The following DPY19L2 variants were observed in gnomAD, a reference collection of about 807,000 sequenced individuals.
DPY19L2 encodes the protein dpy-19 like 2.
A neutral mutation model predicts 97.9 loss-of-function variants in DPY19L2; 34 were observed. That is an observed-to-expected ratio of 0.35 (90% CI 0.26 to 0.46). The LOEUF (loss-of-function observed/expected upper bound fraction) is 0.46. DPY19L2 is among the 20% of genes least tolerant of loss of function. The pLI, the probability that DPY19L2 is intolerant of heterozygous loss-of-function variation, is 1.00. For synonymous variants in DPY19L2, 230 were observed against 307.9 expected (o/e 0.75, Z 2.65); for missense variants, 623 against 911.4 (o/e 0.68, Z 4.07).
At chr12:63,574,727 A>G (rs1879500174) in intron 19 of DPY19L2, among the ~76,000 whole-genome samples, 1 of 152,060 alleles carries the variant, frequency 6.6e-6, no homozygotes, top group African/African-American at 2.4e-5. Flanking sequence ...TCATTATATA[A>G]TGATAAAGGG....
chr12:63,606,059 A>G (rs1403070499), intron 12 of DPY19L2, among the ~76,000 whole-genome samples: 1 of 152,166 alleles, frequency 6.6e-6, no homozygotes, highest in African/African-American at 2.4e-5. Flanking sequence ...TACATAAGGC[A>G]TATTTTAAAA....
chr12:63,659,870 C>CA (rs1227994777), intron 4 of DPY19L2, among the ~76,000 whole-genome samples: 1 of 152,006 alleles, frequency 6.6e-6, no homozygotes, highest in Non-Finnish European at 1.5e-5. Context: ...AGTCATACCT[C>CA]AAAAAAGCTG....
intron 21 of DPY19L2, among the ~76,000 whole-genome samples, chr12:63,568,147 T>A (rs1156357754): frequency 1.3e-5 from 2 of 152,128 alleles, no homozygotes; most frequent in South Asian, 4.1e-4. Flanking sequence ...TACATAGGTC[T>A]GTGACTTTGG....
intron 18 of DPY19L2, among the ~76,000 whole-genome samples, chr12:63,581,954 C>T (rs1260167440): frequency 1.3e-5 from 2 of 150,918 alleles, no homozygotes; most frequent in African/African-American, 2.4e-5. Flanking sequence ...GCACTCGCCA[C>T]CATACCCGGC....
At chr12:63,614,051 G>T (rs576889746) in intron 11 of DPY19L2, among the ~76,000 whole-genome samples, 1 of 151,864 alleles carries the variant, frequency 6.6e-6, no homozygotes, top group East Asian at 1.9e-4. Flanking sequence ...TTAGCTGGAC[G>T]TGGTGGCAGG....
At chr12:63,567,325 G>A (rs61935044) in intron 21 of DPY19L2, among the ~76,000 whole-genome samples, 11,261 of 151,832 alleles carry the variant, frequency 0.074, 523 homozygotes, top group Middle Eastern at 0.15. Flanking sequence ...TTGCCATTAT[G>A]CTCTTTTTTT....
At chr12:63,591,361 C>T (rs1372250624) in intron 16 of DPY19L2, among the ~76,000 whole-genome samples, 1 of 152,048 alleles carries the variant, frequency 6.6e-6, no homozygotes, top group Non-Finnish European at 1.5e-5. Context: ...ATTCTATTTA[C>T]AAATATAAAA....
intron 19 of DPY19L2, among the ~76,000 whole-genome samples, chr12:63,571,835 T>C (rs147286238): frequency 1.4e-3 from 217 of 152,300 alleles, no homozygotes; most frequent in African/African-American, 5.0e-3. Context: ...TACTTCCTGG[T>C]ACTTTTGTAT....
chr12:63,630,892 T>C (rs1401032843), intron 6 of DPY19L2, among the ~76,000 whole-genome samples: 1 of 152,058 alleles, frequency 6.6e-6, no homozygotes, highest in East Asian at 1.9e-4. Flanking sequence ...GCAATCAAAC[T>C]AGAACTCAGG....
chr12:63,612,093 GA>G (rs1184549560), intron 11 of DPY19L2, among the ~76,000 whole-genome samples: 1 of 151,792 alleles, frequency 6.6e-6, no homozygotes, highest in Non-Finnish European at 1.5e-5. Context: ...GATTTCATAA[GA>G]AAAAAATGCA....
chr12:63,590,735 G>C (rs753432122), intron 16 of DPY19L2, among the ~76,000 whole-genome samples: 4 of 151,988 alleles, frequency 2.6e-5, no homozygotes, highest in African/African-American at 9.7e-5. Context: ...GCACCCAGGG[G>C]AGCAGATCTA....
chr12:63,595,982 C>T lies in DPY19L2; in HGVS notation c.1517G>A (p.Cys506Tyr). ...TAAAAATACCTTTTTAAAGATAAAA[C>T]ATGTAATCACCATAACAACTGGAAG... ...LLLPVVMVIT[C>Y]FIFKKTVRDI... Residue 506 changes from cysteine (C) to tyrosine (Y), a missense_variant, in exon 15 of 22, where the codon TGT becomes TAT. By Grantham distance (194) the Cys-to-Tyr change is radical. This residue lies in a region of DPY19L2 where 294 missense variants were observed against 446.2 expected (regional missense o/e 0.66). Transcript: ENST00000324472. 7 of 1,593,594 alleles carry T rather than the reference C, an allele frequency of 4.4e-6. No homozygotes were observed. Among genetic ancestry groups the T allele is most frequent in the Non-Finnish European group, 6.0e-6 (7 of 1,169,442 alleles).
rs1213715916 is a variant in DPY19L2, at chr12:63,559,037, G to C, written c.*1475C>G. The C allele has an allele frequency of 6.6e-6, 1 of 151,888 alleles. No individual in the cohort carries two copies. The highest frequency in any genetic ancestry group is 1.5e-5 in the Non-Finnish European group (1 of 67,954). The allele number at this position is 151,888 out of a possible 1,614,324, so 9.4% of individuals were successfully genotyped here. ...TACCAACTTATTTAAAATATTTCCT[G>C]TAAAAACATCATCCAAAATATACTT... is the stretch of plus-strand genomic sequence containing the variant. On this transcript the variant is annotated 3_prime_UTR_variant, in exon 22 of 22. Coordinates refer to ENST00000324472, the MANE Select transcript of DPY19L2 (RefSeq NM_173812.5).
At chr12:63,668,671 C>G, upstream of DPY19L2, 1 of 454,980 alleles carries the variant, frequency 2.2e-6, no homozygotes, top group Non-Finnish European at 4.0e-6. Context: ...CCGGTGAGGG[C>G]AGCCCCACGC....
chr12:63,611,882 A>G (rs1276313971), intron 11 of DPY19L2, among the ~76,000 whole-genome samples: 1 of 152,106 alleles, frequency 6.6e-6, no homozygotes, highest in Non-Finnish European at 1.5e-5. Context: ...AAATTTTTCC[A>G]AATTTGATAA....
chr12:63,643,102 T>C (rs1892926885), intron 6 of DPY19L2, among the ~76,000 whole-genome samples: 1 of 152,112 alleles, frequency 6.6e-6, no homozygotes, highest in Admixed American at 6.6e-5. Flanking sequence ...TAAATATTAA[T>C]GCTTACATCT....
At chr12:63,591,638 G>A (rs1882934452) in intron 16 of DPY19L2, among the ~76,000 whole-genome samples, 1 of 151,866 alleles carries the variant, frequency 6.6e-6, no homozygotes. Context: ...ATCCAAAAAT[G>A]TTATACAATA....
chr12:63,614,158 C>G (rs953576676), intron 11 of DPY19L2, among the ~76,000 whole-genome samples: 49 of 148,492 alleles, frequency 3.3e-4, no homozygotes, highest in African/African-American at 1.2e-3. Context: ...CCATTGCACT[C>G]CAGCCTGGGC....
intron 9 of DPY19L2, among the ~76,000 whole-genome samples, chr12:63,620,792 A>C (rs1888568250): frequency 6.6e-6 from 1 of 152,176 alleles, no homozygotes; most frequent in Non-Finnish European, 1.5e-5. Flanking sequence ...ACAATAGCAA[A>C]GACATGGAAT....
Sources: gnomAD v4.1 joint callset for allele counts (sites outside exome capture counted in the v4.1 genomes callset) on GRCh38, gnomAD v4.1.1 for gene constraint, gnomAD v4.1.1 regional missense constraint, MANE v1.5 for transcripts, NCBI Gene and HGNC (gene_info 2026-07-23, HGNC 2026-07-21) for gene names.